STK33: variants seen among roughly 807,000 people sequenced by gnomAD.
The protein encoded by STK33 is serine/threonine-protein kinase 33.
Under a neutral mutation model 58.0 loss-of-function variants are expected in STK33, and 52 were observed. The observed-to-expected ratio is 0.90, with a 90% CI of 0.72 to 1.13. STK33 has a LOEUF of 1.13. Among genes scored for constraint, STK33 ranks in the 50% most tolerant of loss-of-function variants. STK33 has a pLI of 0.00. For missense variants in STK33, 630 were observed against 604.2 expected, an observed-to-expected ratio of 1.04 and a Z score of -0.45; for synonymous variants, 215 against 200.1, an observed-to-expected ratio of 1.07 and a Z score of -0.63.
intron 1 of STK33, among the ~76,000 whole-genome samples, chr11:8,481,011 C>T (rs1266059811): frequency 6.6e-6 from 1 of 152,154 alleles, no homozygotes; most frequent in Non-Finnish European, 1.5e-5. Flanking sequence ...TGCCTGTCCT[C>T]TACGTCAAAC....
intron 15 of STK33, among the ~76,000 whole-genome samples, chr11:8,412,276 T>C (rs1420740547): frequency 2.0e-5 from 3 of 152,202 alleles, no homozygotes; most frequent in South Asian, 2.1e-4. Context: ...TATGATATTA[T>C]TTTTAAGGAG....
Position 8,544,698 on chromosome 11 carries a change from G to A in STK33, c.-466+49385C>T, listed in dbSNP as rs181527744. ...AATTCCCAAACTATTTCCCTTTAAA[G>A]AACCTACCATTTATGCATGGGGGAA... On this transcript the variant is annotated intron_variant, in intron 1 of 15. Transcript: ENST00000687296. Among the ~76,000 whole-genome samples, 342 of 152,054 alleles carry A rather than the reference G, an allele frequency of 2.2e-3. 1 individual carries two copies. The highest frequency in any genetic ancestry group is 8.1e-3 in the African/African-American group (335 of 41,514).
intron 10 of STK33, 52 bp from the exon 11 acceptor site, chr11:8,452,958 C>T (rs1186922634): frequency 6.7e-7 from 1 of 1,487,650 alleles, no homozygotes; most frequent in Non-Finnish European, 9.4e-7. Context: ...CTAGAGCTCA[C>T]TCATTCTGAA....
chr11:8,514,979 A>G (rs1212470533), intron 1 of STK33, among the ~76,000 whole-genome samples: 2 of 152,186 alleles, frequency 1.3e-5, no homozygotes, highest in Admixed American at 1.3e-4. Context: ...AAAGGACATT[A>G]AAGACCTGAA....
intron 1 of STK33, among the ~76,000 whole-genome samples, chr11:8,579,881 GATC>G (rs1350653074): frequency 1.3e-5 from 2 of 152,136 alleles, no homozygotes; most frequent in Non-Finnish European, 2.9e-5. Flanking sequence ...CAACATCACT[GATC>G]ATCAGAGAAA....
At chr11:8,438,724 T>C (rs1227221368) in intron 12 of STK33, among the ~76,000 whole-genome samples, 1 of 152,194 alleles carries the variant, frequency 6.6e-6, no homozygotes, top group Non-Finnish European at 1.5e-5. Flanking sequence ...AAACACTACA[T>C]GAATTGCATA....
intron 1 of STK33, among the ~76,000 whole-genome samples, chr11:8,571,150 C>T (rs1957781271): frequency 6.6e-6 from 1 of 152,094 alleles, no homozygotes; most frequent in Non-Finnish European, 1.5e-5. Context: ...AGCAGTTTAG[C>T]TTAGTTGAGG....
At chr11:8,565,283 A>G (rs1008586179) in intron 1 of STK33, among the ~76,000 whole-genome samples, 2 of 152,204 alleles carry the variant, frequency 1.3e-5, no homozygotes, top group Non-Finnish European at 2.9e-5. Context: ...TCACATTTTT[A>G]ACAAAAATAC....
chr11:8,426,957 T>C (rs1340200996), intron 14 of STK33, among the ~76,000 whole-genome samples: 1 of 152,214 alleles, frequency 6.6e-6, no homozygotes, highest in African/African-American at 2.4e-5. Context: ...GTGCTCCTCA[T>C]GTGGATATTA....
chr11:8,451,582 T>C (rs1946282176), intron 11 of STK33, among the ~76,000 whole-genome samples: 2 of 152,270 alleles, frequency 1.3e-5, no homozygotes, highest in African/African-American at 4.8e-5. Context: ...CTAGAGAGAT[T>C]AGTGGCTACC....
intron 1 of STK33, among the ~76,000 whole-genome samples, chr11:8,544,073 C>T (rs1236252641): frequency 1.3e-5 from 2 of 151,736 alleles, no homozygotes; most frequent in East Asian, 3.9e-4. Flanking sequence ...AGGTTTGTTA[C>T]ATAGGTATAC....
intron 2 of STK33, among the ~76,000 whole-genome samples, chr11:8,478,138 T>G (rs1949455012): frequency 6.8e-6 from 1 of 147,980 alleles, no homozygotes; most frequent in Non-Finnish European, 1.5e-5. Context: ...TCTGAAAGAT[T>G]TGTTACTAAA....
At chr11:8,530,516 A>G (rs1441670209) in intron 1 of STK33, among the ~76,000 whole-genome samples, 4 of 152,084 alleles carry the variant, frequency 2.6e-5, no homozygotes, top group Non-Finnish European at 5.9e-5. Context: ...AGAAAAAATT[A>G]TTTGGAAATT....
In STK33 at chr11:8,594,228, C is replaced by A. The variant is rs976877984; in HGVS notation, c.-611G>T. On this transcript the variant is annotated 5_prime_UTR_variant, in exon 1 of 16. Transcript: ENST00000687296. ...ACGGGGGCCGCGCGAGGACAAACAG[C>A]GGCGGCGGGTGCAAAGCCCCTTCTC... is the stretch of plus-strand genomic sequence containing the variant. 1 of 152,328 alleles carries A rather than the reference C, an allele frequency of 6.6e-6. No homozygotes were observed. Among genetic ancestry groups the A allele is most frequent in the African/African-American group, 2.4e-5 (1 of 41,458 alleles). 9.4% of individuals were successfully genotyped at this position (152,328 alleles called of 1,614,324 possible).
At chr11:8,536,476 G>A (rs1241451954) in intron 1 of STK33, among the ~76,000 whole-genome samples, 3 of 152,028 alleles carry the variant, frequency 2.0e-5, no homozygotes, top group Non-Finnish European at 4.4e-5. Flanking sequence ...ACAATGGAAG[G>A]AACAGGCTGA....
chr11:8,491,158 G>T (rs1358983493), intron 1 of STK33, among the ~76,000 whole-genome samples: 1 of 152,154 alleles, frequency 6.6e-6, no homozygotes, highest in African/African-American at 2.4e-5. Flanking sequence ...GCTAAATGAG[G>T]ATGTTTGAAC....
At chr11:8,398,146 A>T (rs1324911132) in intron 15 of STK33, among the ~76,000 whole-genome samples, 1 of 152,214 alleles carries the variant, frequency 6.6e-6, no homozygotes, top group Non-Finnish European at 1.5e-5. Flanking sequence ...AGCAACTCCA[A>T]GACACATAAT....
intron 12 of STK33, among the ~76,000 whole-genome samples, chr11:8,439,694 C>T (rs928063223): frequency 1.3e-5 from 2 of 151,488 alleles, no homozygotes; most frequent in African/African-American, 4.9e-5. Flanking sequence ...CATTATAGCA[C>T]AGTGTAGGTG....
chr11:8,534,568 C>CTCTCTG (rs1402710450), intron 1 of STK33, among the ~76,000 whole-genome samples: 10 of 104,694 alleles, frequency 9.6e-5, no homozygotes, highest in East Asian at 5.6e-4. Flanking sequence ...CTCTCTCTCT[C>CTCTCTG]TGTGTGTGTG....
Sources: gnomAD v4.1 joint callset for allele counts (sites outside exome capture counted in the v4.1 genomes callset) on GRCh38, gnomAD v4.1.1 for gene constraint, MANE v1.5 for transcripts, NCBI Gene and HGNC (gene_info 2026-07-23, HGNC 2026-07-21) for gene names.